PRKN: variants seen among roughly 807,000 people sequenced by gnomAD.
PRKN encodes the protein parkin RBR E3 ubiquitin protein ligase.
Under a neutral mutation model 59.5 loss-of-function variants are expected in PRKN, and 56 were observed. The ratio of observed to expected loss-of-function variants is 0.94; its 90% CI spans 0.76 to 1.18. PRKN has a LOEUF of 1.18. Ranked by LOEUF, PRKN falls within the 50% of genes most tolerant of loss-of-function variation. The pLI is 0.00. For synonymous variants in PRKN, 250 were observed against 222.1 expected (o/e 1.13, Z -1.12); for missense variants, 657 against 596.4 (o/e 1.10, Z -1.06).
chr6:162,330,327 C>G (rs1783514953), intron 2 of PRKN, among the ~76,000 whole-genome samples: 1 of 152,094 alleles, frequency 6.6e-6, no homozygotes, highest in African/African-American at 2.4e-5. Flanking sequence ...ACTCCAGGCC[C>G]AAATGGGCTG....
At chr6:161,433,201 T>C (rs1583060614) in intron 9 of PRKN, among the ~76,000 whole-genome samples, 2 of 152,358 alleles carry the variant, frequency 1.3e-5, no homozygotes, top group East Asian at 3.9e-4. Flanking sequence ...CAAAGTTATT[T>C]AGTGCTTACA....
At chr6:161,973,848 C>T (rs1404981018) in intron 5 of PRKN, among the ~76,000 whole-genome samples, 1 of 152,142 alleles carries the variant, frequency 6.6e-6, no homozygotes, top group East Asian at 1.9e-4. Context: ...CCAAGCTCCC[C>T]GCAGGGAAAT....
At chr6:162,465,853 T>A (rs992547539) in intron 1 of PRKN, among the ~76,000 whole-genome samples, 3 of 152,210 alleles carry the variant, frequency 2.0e-5, no homozygotes, top group Admixed American at 2.0e-4. Context: ...ATTGTGATAT[T>A]TAAGAATTTA....
intron 7 of PRKN, among the ~76,000 whole-genome samples, chr6:161,777,877 T>C (rs1436631479): frequency 4.4e-5 from 6 of 135,774 alleles, no homozygotes; most frequent in Non-Finnish European, 4.7e-5. Context: ...TATGTATACG[T>C]ATATATGTAT....
intron 1 of PRKN, among the ~76,000 whole-genome samples, chr6:162,538,657 G>A: frequency 6.6e-6 from 1 of 152,200 alleles, no homozygotes; most frequent in East Asian, 1.9e-4. Context: ...ACCGCGTGTG[G>A]GAAGTCAGCC....
chr6:161,889,503 T>C (rs1414795226), intron 6 of PRKN, among the ~76,000 whole-genome samples: 1 of 152,214 alleles, frequency 6.6e-6, no homozygotes, highest in African/African-American at 2.4e-5. Context: ...GGTTACCTAC[T>C]GCATGGTTCC....
At chr6:161,492,335 A>G (rs1213130592) in intron 9 of PRKN, among the ~76,000 whole-genome samples, 2 of 152,228 alleles carry the variant, frequency 1.3e-5, no homozygotes, top group Non-Finnish European at 2.9e-5. Context: ...GGTCTTGGAC[A>G]AGACCAAGAT....
chr6:161,705,837 C>A (rs1035291397), intron 7 of PRKN, among the ~76,000 whole-genome samples: 3 of 152,104 alleles, frequency 2.0e-5, no homozygotes, highest in Non-Finnish European at 4.4e-5. Context: ...CTGGTGCATA[C>A]CCCTATGTTG....
At chr6:161,703,327 A>G (rs1166385202) in intron 7 of PRKN, among the ~76,000 whole-genome samples, 1 of 152,176 alleles carries the variant, frequency 6.6e-6, no homozygotes, top group African/African-American at 2.4e-5. Context: ...AAAGGATAAA[A>G]CAGACATTTT....
At chr6:161,820,696 T>C (rs1791986327) in intron 6 of PRKN, among the ~76,000 whole-genome samples, 1 of 148,392 alleles carries the variant, frequency 6.7e-6, no homozygotes, top group Non-Finnish European at 1.5e-5. Flanking sequence ...AAGTATAAAA[T>C]TTTATGCATA....
intron 6 of PRKN, among the ~76,000 whole-genome samples, chr6:161,816,306 A>G (rs1378138246): frequency 6.6e-6 from 1 of 152,110 alleles, no homozygotes; most frequent in Non-Finnish European, 1.5e-5. Flanking sequence ...AATGGTAACT[A>G]ATCTATGGGG....
At chr6:161,934,012 T>C (rs1779264129) in intron 6 of PRKN, among the ~76,000 whole-genome samples, 2 of 152,234 alleles carry the variant, frequency 1.3e-5, no homozygotes, top group Admixed American at 6.5e-5. Context: ...TTTGTATCCC[T>C]GCCCAAATCT....
At chr6:161,412,318 CCACT>C (rs1344496924) in intron 9 of PRKN, among the ~76,000 whole-genome samples, 2 of 150,432 alleles carry the variant, frequency 1.3e-5, no homozygotes, top group South Asian at 2.1e-4. Flanking sequence ...ACTCATTCGT[CCACT>C]CACTCATTCC....
At chr6:162,386,745 G>A (rs1786839836) in intron 2 of PRKN, among the ~76,000 whole-genome samples, 2 of 152,228 alleles carry the variant, frequency 1.3e-5, no homozygotes, top group South Asian at 2.1e-4. Context: ...ACAGACAGAT[G>A]AACACAGATG....
chr6:161,454,897 C>A lies in PRKN; in HGVS notation c.1084-68020G>T, dbSNP rs1789894486. 6.6e-6 allele frequency among the ~76,000 whole-genome samples: 1 copy of A among 152,162 alleles called. No homozygotes were observed. Among genetic ancestry groups the A allele is most frequent in the Non-Finnish European group, 1.5e-5 (1 of 68,026 alleles). ...CCCCCAGTTGTCTCAGTTTCTCTGT[C>A]TTTTCTTCCCCAGCTATATTTTTCT... On this transcript the variant is annotated intron_variant, in intron 9 of 11. Coordinates refer to ENST00000366898, the MANE Select transcript of PRKN (RefSeq NM_004562.3). This position sits in a 1 kb window ranked among gnomAD's most constrained non-coding sequence, Gnocchi z 4.6.
At chr6:162,445,376 T>A (rs1034405900) in intron 1 of PRKN, among the ~76,000 whole-genome samples, 1 of 152,146 alleles carries the variant, frequency 6.6e-6, no homozygotes, top group Admixed American at 6.5e-5. Flanking sequence ...AAAATAGGCT[T>A]CCTGAAACCA....
intron 6 of PRKN, among the ~76,000 whole-genome samples, chr6:161,940,451 A>C: frequency 6.6e-6 from 1 of 152,216 alleles, no homozygotes; most frequent in East Asian, 1.9e-4. Context: ...ATGTCTCTCA[A>C]CTTCTCTTGA....
chr6:162,505,268 CA>C (rs10716358), intron 1 of PRKN, among the ~76,000 whole-genome samples: 78,838 of 151,886 alleles, frequency 0.52, 20,537 homozygotes, highest in Middle Eastern at 0.58. Context: ...TTTGTAATTG[CA>C]AAAAATTTGG....
At chr6:161,854,043 C>T (rs1052649418) in intron 6 of PRKN, among the ~76,000 whole-genome samples, 3 of 145,582 alleles carry the variant, frequency 2.1e-5, no homozygotes, top group Admixed American at 7.0e-5. Context: ...GTCAGGAGTT[C>T]GAAACCAGCC....
Sources: allele counts gnomAD v4.1 joint callset (sites outside exome capture counted in the v4.1 genomes callset), GRCh38; gene constraint gnomAD v4.1.1; non-coding constraint Gnocchi (gnomAD v3.1); transcripts MANE v1.5; gene names NCBI Gene and HGNC (gene_info 2026-07-23, HGNC 2026-07-21).